Variants in CUX1 observed in about 807,000 individuals in gnomAD.
The protein encoded by CUX1 is protein CASP.
Under a neutral mutation model 158.8 loss-of-function variants are expected in CUX1, and 31 were observed. That is an observed-to-expected ratio of 0.20 (90% confidence interval 0.15 to 0.26). The LOEUF is 0.26. Ranked by LOEUF, CUX1 falls within the 10% of genes least tolerant of loss-of-function variation. CUX1 has a pLI of 1.00. For missense variants in CUX1, 1,589 were observed against 2,014.6 expected, an observed-to-expected ratio of 0.79 and a Z score of 4.04; for synonymous variants, 879 against 862.1, an observed-to-expected ratio of 1.02 and a Z score of -0.34.
rs1801549053 is a variant in CUX1, at chr7:102,251,862, T to G, written c.*2820T>G. The G allele has an allele frequency of 1.0e-6, 1 of 985,342 alleles. No homozygotes were observed. The highest frequency in any genetic ancestry group is 1.7e-5 in the African/African-American group (1 of 57,258). The allele number at this position is 985,342 out of a possible 1,614,324, so 61.0% of individuals were successfully genotyped here. ...GACTGTTATTTACAAAGGTGTTAAA[T>G]CTGAGGAAATTGACAAATACAGATT... On this transcript the variant is annotated 3_prime_UTR_variant, in exon 24 of 24. Coordinates refer to ENST00000292535, the MANE Select transcript of CUX1 (RefSeq NM_181552.4).
At chr7:101,898,677 G>A (rs1187062239) in intron 1 of CUX1, among the ~76,000 whole-genome samples, 1 of 139,574 alleles carries the variant, frequency 7.2e-6, no homozygotes, top group African/African-American at 2.7e-5. Context: ...TGCAACCTCC[G>A]CCTCCCGGGT....
chr7:102,030,663 GTCTA>G (rs923220906), intron 3 of CUX1, among the ~76,000 whole-genome samples: 1 of 98,258 alleles, frequency 1.0e-5, no homozygotes, highest in Non-Finnish European at 2.3e-5. Context: ...TTGGAAATCT[GTCTA>G]TCTAATTTTC....
At chr7:102,105,176 TACACACACACACACAC>T (rs3076512) in intron 6 of CUX1, among the ~76,000 whole-genome samples, 5 of 144,426 alleles carry the variant, frequency 3.5e-5, no homozygotes, top group East Asian at 2.1e-4. Context: ...TATTTAATAT[TACACACACACACACAC>T]ACACACACAC....
chr7:102,176,122 A>G (rs1171623619), intron 10 of CUX1, among the ~76,000 whole-genome samples: 4 of 152,254 alleles, frequency 2.6e-5, no homozygotes, highest in Admixed American at 2.6e-4. Context: ...TTACAACCTC[A>G]TACAAATCAA....
At chr7:101,859,771 C>CT in intron 1 of CUX1, among the ~76,000 whole-genome samples, 2 of 152,268 alleles carry the variant, frequency 1.3e-5, no homozygotes, top group South Asian at 4.1e-4. Flanking sequence ...TGGGTAGTAT[C>CT]TTTAAGATCC....
At chr7:102,225,840 C>T (rs1317616774) in intron 20 of CUX1, among the ~76,000 whole-genome samples, 1 of 152,158 alleles carries the variant, frequency 6.6e-6, no homozygotes, top group Non-Finnish European at 1.5e-5. Context: ...AAAAATTTTA[C>T]AAGACCCTGG....
intron 4 of CUX1, among the ~76,000 whole-genome samples, chr7:102,093,321 G>A (rs1218683973): frequency 6.6e-6 from 1 of 151,864 alleles, no homozygotes; most frequent in African/African-American, 2.4e-5. Flanking sequence ...AAGGAGCTGG[G>A]ACTACAGGCA....
At chr7:102,129,740 C>T (rs1833019116) in intron 8 of CUX1, among the ~76,000 whole-genome samples, 1 of 152,080 alleles carries the variant, frequency 6.6e-6, no homozygotes, top group Non-Finnish European at 1.5e-5. Flanking sequence ...CTTCTATGTG[C>T]CACATTTTTG....
At chr7:101,964,854 A>G (rs910150670) in intron 2 of CUX1, among the ~76,000 whole-genome samples, 1 of 152,182 alleles carries the variant, frequency 6.6e-6, no homozygotes, top group Middle Eastern at 3.2e-3. Context: ...CATTCCTCCA[A>G]TGAAATACGA....
At chr7:102,102,829 A>C (rs977091805) in intron 5 of CUX1, among the ~76,000 whole-genome samples, 3 of 152,188 alleles carry the variant, frequency 2.0e-5, no homozygotes, top group African/African-American at 7.2e-5. Flanking sequence ...AGCATCCAGC[A>C]TGCGGAGTGG....
chr7:102,037,777 G>A (rs1821611546), intron 3 of CUX1, among the ~76,000 whole-genome samples: 1 of 151,982 alleles, frequency 6.6e-6, no homozygotes, highest in Non-Finnish European at 1.5e-5. Flanking sequence ...AAACATGGCC[G>A]GGTGTGGTGG....
chr7:102,039,640 G>C (rs1199175607), intron 3 of CUX1, among the ~76,000 whole-genome samples: 1 of 149,452 alleles, frequency 6.7e-6, no homozygotes, highest in Non-Finnish European at 1.5e-5. Flanking sequence ...GGGCAACAGA[G>C]CGAGACCCTG....
chr7:102,018,895 A>G (rs180683641), intron 2 of CUX1, among the ~76,000 whole-genome samples: 1 of 152,232 alleles, frequency 6.6e-6, no homozygotes, highest in African/African-American at 2.4e-5. Context: ...ACTCCACTGT[A>G]CACTTGCGGG....
chr7:102,175,130 C>T (rs914051825), intron 10 of CUX1, among the ~76,000 whole-genome samples: 6 of 152,150 alleles, frequency 3.9e-5, no homozygotes, highest in Non-Finnish European at 7.4e-5. Flanking sequence ...CCAGTGTGGC[C>T]GAGCTCTTGT....
chr7:102,239,085 C>T (rs1563469383), intron 22 of CUX1, among the ~76,000 whole-genome samples: 1 of 152,142 alleles, frequency 6.6e-6, no homozygotes, highest in Non-Finnish European at 1.5e-5. Context: ...CGGGGTTTCA[C>T]CATATTGGCC....
At position 102,060,592 on chromosome 7, in the gene CUX1, T is replaced by C. The variant is rs550048602; in HGVS notation, c.190-9747T>C. On this transcript the variant is annotated intron_variant, in intron 3 of 23. Coordinates refer to ENST00000292535, the MANE Select transcript of CUX1 (RefSeq NM_181552.4). ...ACACACATATATACATATATATATA[T>C]ACACACACACAAATAAACACACACA... 2.5e-3 allele frequency among the ~76,000 whole-genome samples: 219 copies of C among 87,004 alleles called. 2 individuals are homozygous for C. The highest frequency in any genetic ancestry group is 8.2e-3 in the African/African-American group (205 of 24,974). The allele number at this position is 87,004 out of a possible 152,430, so 57.1% of individuals were successfully genotyped here.
intron 1 of CUX1, among the ~76,000 whole-genome samples, chr7:101,841,145 G>A (rs981695855): frequency 6.6e-6 from 1 of 151,878 alleles, no homozygotes. Flanking sequence ...CGCCCGCCTC[G>A]GCCTCCCAAA....
At chr7:101,941,486 T>G (rs1430616151) in intron 2 of CUX1, among the ~76,000 whole-genome samples, 1 of 152,222 alleles carries the variant, frequency 6.6e-6, no homozygotes. Flanking sequence ...CATCTTTGTT[T>G]TGTGCTGCAA....
chr7:102,145,743 T>C (rs1289402857), intron 8 of CUX1, among the ~76,000 whole-genome samples: 1 of 152,012 alleles, frequency 6.6e-6, no homozygotes, highest in African/African-American at 2.4e-5. Flanking sequence ...GGTCAGGAGT[T>C]CAAGACCAGC....
Sources: gnomAD v4.1 joint callset for allele counts (sites outside exome capture counted in the v4.1 genomes callset) on GRCh38, gnomAD v4.1.1 for gene constraint, MANE v1.5 for transcripts, NCBI Gene and HGNC (gene_info 2026-07-23, HGNC 2026-07-21) for gene names.